RGL2: variants seen among roughly 807,000 people sequenced by gnomAD.
RGL2 encodes the protein ral guanine nucleotide dissociation stimulator-like 2.
In RGL2, 40 loss-of-function variants were observed where a neutral mutation model predicts 84.6. The ratio of observed to expected loss-of-function variants is 0.47; its 90% CI spans 0.37 to 0.62. RGL2 has a LOEUF of 0.62. Ranked by LOEUF, RGL2 falls within the 20% of genes least tolerant of loss-of-function variation. The probability of loss-of-function intolerance (pLI) is 0.00; values close to 1 mark genes in which losing one functional copy is unlikely to be tolerated. For synonymous variants in RGL2, 369 were observed against 417.3 expected (o/e 0.88, Z 1.41); for missense variants, 865 against 1,019.7 (o/e 0.85, Z 2.07).
chr6:33,298,329 C>G lies in RGL2; in HGVS notation c.156+126G>C. 1 of 589,864 alleles carries G rather than the reference C, an allele frequency of 1.7e-6. No individual in the cohort carries two copies. The highest frequency in any genetic ancestry group is 3.0e-6 in the Non-Finnish European group (1 of 335,488). 36.5% of individuals were successfully genotyped at this position (589,864 alleles called of 1,614,324 possible). The stretch of plus-strand genomic sequence containing the variant: ...GGACTCCCCGCAGCAGAGAAACGGG[C>G]CGACACCCAGGGAGGCGCGAGAATA... On this transcript the variant is annotated intron_variant, in intron 2 of 17. Transcript: ENST00000497454. The surrounding 1 kb of genome is among the most constrained non-coding windows in gnomAD (Gnocchi z 4.8).
Position 33,294,684 on chromosome 6 carries a change from T to A in RGL2, c.1353+4A>T. 6.2e-7 allele frequency: 1 copy of A among 1,613,878 alleles called. No homozygotes were observed. The highest frequency in any genetic ancestry group is 1.7e-5 in the Admixed American group (1 of 60,014). On this transcript the variant is annotated splice_donor_region_variant and intron_variant, in intron 11 of 17. Coordinates refer to ENST00000497454, the MANE Select transcript of RGL2 (RefSeq NM_004761.5). The surrounding 1 kb of genome is among the most constrained non-coding windows in gnomAD (Gnocchi z 5.0). ...TTGCAATGACACACACACACACCACTGACCTCCAACTCATCCTTGGAGGCT... is the reference window on the plus strand; with the variant it reads ...TTGCAATGACACACACACACACCACAGACCTCCAACTCATCCTTGGAGGCT...
At position 33,298,378 on chromosome 6, in the gene RGL2, T is replaced by G; in HGVS notation, c.156+77A>C. The G allele has an allele frequency of 1.3e-6, 1 of 774,158 alleles. No individual in the cohort carries two copies. The allele number at this position is 774,158 out of a possible 1,614,324, so 48.0% of individuals were successfully genotyped here. A position where few individuals can be genotyped will look rare whatever the true frequency, so the allele number is the denominator to read the frequency against. ...TAACTGAGGCAAGGAGGAGGAGATGTAGGGACCCAGAGACAAGAGAAAAGT... is the reference window on the plus strand; with the variant it reads ...TAACTGAGGCAAGGAGGAGGAGATGGAGGGACCCAGAGACAAGAGAAAAGT... On this transcript the variant is annotated intron_variant, in intron 2 of 17. Coordinates refer to ENST00000497454, the MANE Select transcript of RGL2 (RefSeq NM_004761.5). This position sits in a 1 kb window ranked among gnomAD's most constrained non-coding sequence, Gnocchi z 4.8.
At chr6:33,299,037 G>A (rs1768311267), upstream of RGL2, 1 of 156,496 alleles carries the variant, frequency 6.4e-6, no homozygotes, top group South Asian at 1.8e-4. The surrounding 1 kb of genome is among the most constrained non-coding windows in gnomAD (Gnocchi z 5.0). Context: ...CCCGCTCCGA[G>A]AGCAGGAGCC....
chr6:33,292,691 C>G, intron 16 of RGL2, 147 bp from the exon 17 acceptor site: 2 of 708,172 alleles, frequency 2.8e-6, no homozygotes, highest in South Asian at 3.6e-5. Context: ...CTTCCTATAC[C>G]CCATAAGCCA....
chr6:33,298,139 A>T lies in RGL2; in HGVS notation c.156+316T>A. ...AACAAAAACAAGGAGGGAGACAGGGACCAAGACACGACTGCTCAGAGAGGT... is the reference window on the plus strand; with the variant it reads ...AACAAAAACAAGGAGGGAGACAGGGTCCAAGACACGACTGCTCAGAGAGGT... On this transcript the variant is annotated intron_variant, in intron 2 of 17. Coordinates refer to ENST00000497454, the MANE Select transcript of RGL2 (RefSeq NM_004761.5). This position sits in a 1 kb window ranked among gnomAD's most constrained non-coding sequence, Gnocchi z 4.8. 4.0e-6 allele frequency: 1 copy of T among 251,618 alleles called. No individual in the cohort carries two copies. The highest frequency in any genetic ancestry group is 7.3e-5 in the East Asian group (1 of 13,782). The allele number at this position is 251,618 out of a possible 1,614,324, so 15.6% of individuals were successfully genotyped here.
In RGL2 at chr6:33,296,197, A is replaced by G. The variant is rs1562665383; in HGVS notation, c.599T>C (p.Val200Ala). 1.2e-6 allele frequency: 2 copies of G among 1,613,908 alleles called. No individual in the cohort carries two copies. Among genetic ancestry groups the G allele is most frequent in the Non-Finnish European group, 1.7e-6 (2 of 1,179,894 alleles). ...GATGAGGTCAGCGCTGCCCCCCCCA[A>G]CACCCTTCCCTGCTGCATACCCTGT... The part of the protein sequence containing the change: ...LQTGYAAGKG[V>A]GGGSADLIRN... The change falls in exon 6 of 18, where the codon GTT (valine) becomes GCT (alanine). Residue 200 changes from valine to alanine, a missense_variant. By Grantham distance (64) the Val-to-Ala change is moderately conservative. Transcript: ENST00000497454. This position sits in a 1 kb window ranked among gnomAD's most constrained non-coding sequence, Gnocchi z 5.0.
In RGL2 at chr6:33,292,427, G is replaced by A; in HGVS notation, c.2122+3C>T. On this transcript the variant is annotated splice_donor_region_variant and intron_variant, in intron 17 of 17. Coordinates refer to ENST00000497454, the MANE Select transcript of RGL2 (RefSeq NM_004761.5). ...AGTCTGCCTTTCCCTCATGGCCTCTGACCTCGCTCCCCTGGTAGCAGCTGT... is the reference window on the plus strand; with the variant it reads ...AGTCTGCCTTTCCCTCATGGCCTCTAACCTCGCTCCCCTGGTAGCAGCTGT... The A allele has an allele frequency of 1.2e-6, 2 of 1,613,854 alleles. No individual in the cohort carries two copies. Among genetic ancestry groups the A allele is most frequent in the South Asian group, 1.1e-5 (1 of 91,080 alleles).
At position 33,296,663 on chromosome 6, in the gene RGL2, T is replaced by C. The variant is rs1249952097; in HGVS notation, c.354A>G (p.Ser118=). The part of the protein sequence containing the change: ...RTSGTDVSFM[S]AFLATHRAFT... ...AGGCCCGGTGGGTAGCCAGGAAGGC[T>C]GACATGAAGCTCACATCAGTCCCTG... is the stretch of plus-strand genomic sequence containing the variant. Residue 118 remains serine (S), a synonymous_variant, in exon 4 of 18, where the codon TCA becomes TCG. Transcript: ENST00000497454. The surrounding 1 kb of genome is among the most constrained non-coding windows in gnomAD (Gnocchi z 5.0). 1.2e-6 allele frequency: 2 copies of C among 1,613,808 alleles called. No individual in the cohort carries two copies. The highest frequency in any genetic ancestry group is 1.1e-5 in the South Asian group (1 of 91,080).
Position 33,293,373 on chromosome 6 carries a change from G to T in RGL2, c.1716+40C>A, listed in dbSNP as rs1448407241. Reference sequence around the variant, plus strand: ...TTTAAGGAAGAAACATTTACAGAGTGAGGGTCAGCGTCAAGGTCAGAGTCA... The same window carrying T: ...TTTAAGGAAGAAACATTTACAGAGTTAGGGTCAGCGTCAAGGTCAGAGTCA... On this transcript the variant is annotated intron_variant, in intron 15 of 17. Transcript: ENST00000497454. The surrounding 1 kb of genome is among the most constrained non-coding windows in gnomAD (Gnocchi z 7.0). 6.3e-7 allele frequency: 1 copy of T among 1,599,582 alleles called. No individual in the cohort carries two copies. The highest frequency in any genetic ancestry group is 1.8e-5 in the Admixed American group (1 of 56,842).
In RGL2 at chr6:33,292,157, C is replaced by A. The variant is rs571188739; in HGVS notation, c.2279G>T (p.Gly760Val). The change falls in exon 18 of 18, where the codon GGC (glycine) becomes GTC (valine). Residue 760 changes from glycine to valine, a missense_variant. Gly to Val is a moderately radical substitution (Grantham distance 109, BLOSUM62 -3). Coordinates refer to ENST00000497454, the MANE Select transcript of RGL2 (RefSeq NM_004761.5). ...SGTPPSEGGGGSFPRIKATGR... is the reference protein window; with the variant it reads ...SGTPPSEGGGVSFPRIKATGR... The stretch of plus-strand genomic sequence containing the variant: ...TGTGGCCTTGATCCTGGGAAAGGAG[C>A]CCCCTCCTCCCTCACTCGGAGGAGT... 4.9e-5 allele frequency: 79 copies of A among 1,614,080 alleles called. No homozygotes were observed. In the South Asian group the frequency reaches 8.5e-4, roughly 17 times the overall value.
Position 33,294,855 on chromosome 6 carries a change from G to C in RGL2, c.1279-93C>G. ...GCCCTCCTCATTGCCTCAGAGAACA[G>C]ATTTCATTCTCCTCACCCCTCTGTG... On this transcript the variant is annotated intron_variant, in intron 10 of 17. Coordinates refer to ENST00000497454, the MANE Select transcript of RGL2 (RefSeq NM_004761.5). This position sits in a 1 kb window ranked among gnomAD's most constrained non-coding sequence, Gnocchi z 5.0. 2.0e-6 allele frequency: 3 copies of C among 1,504,404 alleles called. No homozygotes were observed. The highest frequency in any genetic ancestry group is 2.7e-6 in the Non-Finnish European group (3 of 1,100,962). 93.2% of individuals were successfully genotyped at this position (1,504,404 alleles called of 1,614,324 possible).
Position 33,298,449 on chromosome 6 carries a change from T to C in RGL2, c.156+6A>G, listed in dbSNP as rs542480460. 49 of 1,451,696 alleles carry C rather than the reference T, an allele frequency of 3.4e-5. No homozygotes were observed. Among genetic ancestry groups the C allele is most frequent in the Non-Finnish European group, 4.4e-5 (47 of 1,063,912 alleles). 89.9% of individuals were successfully genotyped at this position (1,451,696 alleles called of 1,614,324 possible). On this transcript the variant is annotated splice_donor_region_variant and intron_variant, in intron 2 of 17. Coordinates refer to ENST00000497454, the MANE Select transcript of RGL2 (RefSeq NM_004761.5). The surrounding 1 kb of genome is among the most constrained non-coding windows in gnomAD (Gnocchi z 4.8). ...CGCCCCCTACCTCCCACCACCCGCG[T>C]CTCACCTCTTCTTCTTCCTCCTCCT...
In RGL2 at chr6:33,292,496, T is replaced by C. The variant is rs1173128770; in HGVS notation, c.2056A>G (p.Lys686Glu). The C allele has an allele frequency of 6.2e-7, 1 of 1,614,166 alleles. No individual in the cohort carries two copies. The highest frequency in any genetic ancestry group is 8.5e-7 in the Non-Finnish European group (1 of 1,180,028). Residue 686 changes from lysine to glutamate, a missense_variant, in exon 17 of 18, where the codon AAA becomes GAA. Lys to Glu is a moderately conservative substitution (Grantham distance 56). Transcript: ENST00000497454. ...GCCACTGCAGAGTCACGATTGTTTT[T>C]CTTAAGGACACGACTGATGACACTT... ...APSVISRVLK[K>E]NNRDSAVASE...
chr6:33,293,172 T>C lies in RGL2; in HGVS notation c.1851A>G (p.Ser617=). ...CACTCAGCGGGGAGCCACAGGAGGC[T>C]GAGCGGCGGTGACCTCGAGAAGGCC... ...SPRPSRGHRR[S]ASCGSPLSGG... is the part of the protein sequence containing the mutation. Residue 617 remains serine, a synonymous_variant, in exon 16 of 18, where the codon TCA becomes TCG. Transcript: ENST00000497454. The surrounding 1 kb of genome is among the most constrained non-coding windows in gnomAD (Gnocchi z 7.0). 6.2e-7 allele frequency: 1 copy of C among 1,602,174 alleles called. No homozygotes were observed. The highest frequency in any genetic ancestry group is 1.3e-5 in the African/African-American group (1 of 74,666).
rs1247154812 is a variant in RGL2, at chr6:33,293,567, T to C, written c.1604+37A>G. On this transcript the variant is annotated intron_variant, in intron 14 of 17. Coordinates refer to ENST00000497454, the MANE Select transcript of RGL2 (RefSeq NM_004761.5). This position sits in a 1 kb window ranked among gnomAD's most constrained non-coding sequence, Gnocchi z 7.0. ...TGGGAGGATCAGAGAAAAGTGGAAG[T>C]CCCAAGAAACCACCCCCCAGCCAGT... 6.2e-7 allele frequency: 1 copy of C among 1,611,950 alleles called. No homozygotes were observed. The highest frequency in any genetic ancestry group is 8.5e-7 in the Non-Finnish European group (1 of 1,178,890).
chr6:33,301,552 C>T (rs931325263), upstream of RGL2: 16 of 566,846 alleles, frequency 2.8e-5, no homozygotes, highest in South Asian at 4.4e-5. Context: ...GCAGCCTGGG[C>T]GGAAGAGTGA....
upstream of RGL2, chr6:33,300,720 C>T (rs1394440633): frequency 6.7e-6 from 1 of 149,670 alleles, no homozygotes; most frequent in Non-Finnish European, 1.5e-5. Context: ...AATCCCAATA[C>T]TTTGGGAGGC....
upstream of RGL2, among the ~76,000 whole-genome samples, chr6:33,299,509 C>G (rs554489752): frequency 6.6e-6 from 1 of 152,118 alleles, no homozygotes; most frequent in Admixed American, 6.5e-5. The surrounding 1 kb of genome is among the most constrained non-coding windows in gnomAD (Gnocchi z 5.0). Flanking sequence ...CCGAGATCCC[C>G]GTCGGCTCGG....
In RGL2 at chr6:33,295,319, C is replaced by T. The variant is rs776422447; in HGVS notation, c.1124G>A (p.Arg375Lys). ...RLRAAWGEAT[R>K]DSLRVFSSLC... ...CAGTCCAATGCCTCAGCCTCCGCAC[C>T]TGGTTGCTTCCCCCCAGGCTGCCCG... Residue 375 changes from arginine to lysine, a missense_variant and splice_region_variant, in exon 8 of 18, where the codon AGG becomes AAG. Transcript: ENST00000497454. The surrounding 1 kb of genome is among the most constrained non-coding windows in gnomAD (Gnocchi z 7.2). The T allele has an allele frequency of 6.4e-7, 1 of 1,571,776 alleles. No homozygotes were observed. Among genetic ancestry groups the T allele is most frequent in the Non-Finnish European group, 8.6e-7 (1 of 1,158,446 alleles).
Sources: allele counts gnomAD v4.1 joint callset (sites outside exome capture counted in the v4.1 genomes callset), GRCh38; gene constraint gnomAD v4.1.1; non-coding constraint Gnocchi (gnomAD v3.1); transcripts MANE v1.5; gene names NCBI Gene and HGNC (gene_info 2026-07-23, HGNC 2026-07-21).